The following GALNT17 variants were observed in gnomAD, a reference collection of about 807,000 sequenced individuals.
GALNT17 encodes the protein UDP-GalNAc:polypeptide N-acetylgalactosaminyltransferase-like 3.
GALNT17 carries 29 observed loss-of-function variants against 63.7 expected under a neutral mutation model. The observed-to-expected ratio is 0.46, with a 90% CI of 0.34 to 0.62. GALNT17 has a LOEUF of 0.62. Among genes scored for constraint, GALNT17 ranks in the 20% least tolerant of loss-of-function variants. GALNT17 has a pLI of 0.01. For synonymous variants in GALNT17, 305 were observed against 318.3 expected (o/e 0.96, Z 0.45); for missense variants, 603 against 799.6 (o/e 0.75, Z 2.97).
At chr7:71,522,343 A>C (rs1279380752) in intron 5 of GALNT17, among the ~76,000 whole-genome samples, 1 of 152,190 alleles carries the variant, frequency 6.6e-6, no homozygotes, top group Non-Finnish European at 1.5e-5. Flanking sequence ...AATGCTACTG[A>C]TAAAGACATA....
chr7:71,511,094 A>T (rs2116725628), intron 5 of GALNT17, among the ~76,000 whole-genome samples: 1 of 152,226 alleles, frequency 6.6e-6, no homozygotes, highest in South Asian at 2.1e-4. Flanking sequence ...AGGCAGGAGG[A>T]TCACTTGATC....
At chr7:71,322,658 A>T (rs1293514304) in intron 1 of GALNT17, among the ~76,000 whole-genome samples, 1 of 152,178 alleles carries the variant, frequency 6.6e-6, no homozygotes, top group Non-Finnish European at 1.5e-5. Context: ...CCTCATTGTG[A>T]TGCTATTTGG....
chr7:71,366,267 C>G (rs987231920), intron 2 of GALNT17, among the ~76,000 whole-genome samples: 15 of 151,906 alleles, frequency 9.9e-5, no homozygotes, highest in African/African-American at 3.4e-4. Flanking sequence ...GGTTGGGGAC[C>G]TGTGATCTAG....
chr7:71,307,009 A>C (rs1186088574), intron 1 of GALNT17, among the ~76,000 whole-genome samples: 1 of 152,000 alleles, frequency 6.6e-6, no homozygotes, highest in Non-Finnish European at 1.5e-5. Flanking sequence ...TTTTTAGTGG[A>C]GATGGGGTTT....
intron 1 of GALNT17, among the ~76,000 whole-genome samples, chr7:71,271,625 CAGTTTG>C (rs1363191829): frequency 6.6e-6 from 1 of 152,184 alleles, no homozygotes; most frequent in Non-Finnish European, 1.5e-5. Flanking sequence ...TTTGGGTGTA[CAGTTTG>C]ATGAGTGTTG....
intron 2 of GALNT17, among the ~76,000 whole-genome samples, chr7:71,346,382 T>C (rs984144911): frequency 6.6e-6 from 1 of 152,146 alleles, no homozygotes; most frequent in Non-Finnish European, 1.5e-5. Flanking sequence ...CTAACCACAA[T>C]AATTTTTCCC....
intron 6 of GALNT17, among the ~76,000 whole-genome samples, chr7:71,617,979 A>T (rs1351301076): frequency 6.6e-6 from 1 of 151,260 alleles, no homozygotes; most frequent in Admixed American, 6.6e-5. Context: ...CCCCCTGCAA[A>T]CCCTCTAGTA....
At chr7:71,357,672 C>A (rs1001946033) in intron 2 of GALNT17, among the ~76,000 whole-genome samples, 1 of 152,068 alleles carries the variant, frequency 6.6e-6, no homozygotes, top group Non-Finnish European at 1.5e-5. Flanking sequence ...TTTGGGAGGT[C>A]AAGGTGGGTG....
At chr7:71,438,885 CTT>C (rs199548314) in intron 5 of GALNT17, among the ~76,000 whole-genome samples, 40 of 138,040 alleles carry the variant, frequency 2.9e-4, no homozygotes, top group Admixed American at 2.9e-4. Context: ...AAAAGATAGA[CTT>C]TTTTTTTTTT....
intron 5 of GALNT17, among the ~76,000 whole-genome samples, chr7:71,422,539 G>T (rs1264859553): frequency 3.3e-5 from 5 of 152,240 alleles, no homozygotes; most frequent in Non-Finnish European, 5.9e-5. Flanking sequence ...TATGACAGGG[G>T]TGTGGCTTGC....
chr7:71,599,732 C>A lies in GALNT17; in HGVS notation c.1080+28330C>A, dbSNP rs943147837. ...CACACAGGATACCCCCCCCACCCCA[C>A]CTTAAGAAATTACCTAGCCCAAAAT... is the stretch of plus-strand genomic sequence containing the variant. On this transcript the variant is annotated intron_variant, in intron 6 of 10. Transcript: ENST00000333538. Among the ~76,000 whole-genome samples the A allele has an allele frequency of 5.3e-5, 8 of 151,922 alleles. No individual in the cohort carries two copies. In the East Asian group the frequency reaches 1.6e-3, roughly 30 times the overall value.
intron 1 of GALNT17, chr7:71,307,815 C>G (rs4520056): frequency 0.27 from 40,854 of 151,964 alleles, 6,214 homozygotes; most frequent in East Asian, 0.49. Flanking sequence ...TAGAATAGAA[C>G]AATGCTTATG....
In GALNT17 at chr7:71,187,286, CT is replaced by C. The variant is rs74272911; in HGVS notation, c.238+54261del. Among the ~76,000 whole-genome samples the C allele has an allele frequency of 2.0e-3, 244 of 123,258 alleles. 1 individual carries two copies. Among genetic ancestry groups the C allele is most frequent in the South Asian group, 0.015 (64 of 4,190 alleles). 80.9% of individuals were successfully genotyped at this position (123,258 alleles called of 152,430 possible). On this transcript the variant is annotated intron_variant, in intron 1 of 10. Transcript: ENST00000333538. Reference sequence around the variant, plus strand: ...CACCATGCTTGGCTAATTTTTCTTTCTTTTTTTTTTTTTTTGTAGAGGTGGG... The same window carrying C: ...CACCATGCTTGGCTAATTTTTCTTTCTTTTTTTTTTTTTTGTAGAGGTGGG...
intron 6 of GALNT17, among the ~76,000 whole-genome samples, chr7:71,584,626 G>T (rs1402664325): frequency 6.6e-6 from 1 of 152,020 alleles, no homozygotes; most frequent in Non-Finnish European, 1.5e-5. Flanking sequence ...TCAAAACTCA[G>T]TTATATTTTC....
chr7:71,499,895 T>G (rs1000753961), intron 5 of GALNT17, among the ~76,000 whole-genome samples: 1 of 152,220 alleles, frequency 6.6e-6, no homozygotes. Context: ...CATGCTGCTG[T>G]TCTCATGATA....
At chr7:71,647,929 C>T (rs1400718818) in intron 6 of GALNT17, among the ~76,000 whole-genome samples, 1 of 152,226 alleles carries the variant, frequency 6.6e-6, no homozygotes, top group Non-Finnish European at 1.5e-5. Flanking sequence ...AGCCCACACC[C>T]ATTGCGGGCT....
chr7:71,320,240 A>T (rs1055900443), intron 1 of GALNT17, among the ~76,000 whole-genome samples: 21 of 151,518 alleles, frequency 1.4e-4, no homozygotes, highest in Non-Finnish European at 2.1e-4. Context: ...ACCTCAGATA[A>T]TTTTTTTTTA....
chr7:71,182,179 AAAAT>A (rs1490802242), intron 1 of GALNT17, among the ~76,000 whole-genome samples: 10 of 151,432 alleles, frequency 6.6e-5, no homozygotes, highest in African/African-American at 1.2e-4. Flanking sequence ...CCATCTAAAA[AAAAT>A]AAATAAATAA....
chr7:71,637,760 A>G (rs956493109), intron 6 of GALNT17, among the ~76,000 whole-genome samples: 4 of 152,190 alleles, frequency 2.6e-5, no homozygotes, highest in African/African-American at 9.6e-5. Context: ...CTCAGCCAGC[A>G]TGTCAGACCA....
Sources: allele counts gnomAD v4.1 joint callset (sites outside exome capture counted in the v4.1 genomes callset), GRCh38; gene constraint gnomAD v4.1.1; transcripts MANE v1.5; gene names NCBI Gene and HGNC (gene_info 2026-07-23, HGNC 2026-07-21).